SESN2: variants seen among roughly 807,000 people sequenced by gnomAD.
SESN2 encodes the protein sestrin 2.
Under a neutral mutation model 56.0 loss-of-function variants are expected in SESN2, and 42 were observed. The observed-to-expected ratio is 0.75, with a 90% CI of 0.59 to 0.97. SESN2 has a LOEUF of 0.97. Ranked by LOEUF, SESN2 falls within the 50% of genes least tolerant of loss-of-function variation. The pLI, the probability that SESN2 is intolerant of heterozygous loss-of-function variation, is 0.00. For synonymous variants in SESN2, 264 were observed against 267.1 expected, an observed-to-expected ratio of 0.99 and a Z score of 0.11; for missense variants, 507 against 649.4, an observed-to-expected ratio of 0.78 and a Z score of 2.38.
chr1:28,274,185 C>T (rs1245948206), intron 7 of SESN2, 27 bp downstream of exon 7: 1 of 1,390,560 alleles, frequency 7.2e-7, no homozygotes, highest in Admixed American at 1.7e-5. Flanking sequence ...TAGTCTTGGC[C>T]ATTGCTCCAC....
In SESN2 at chr1:28,281,035, C is replaced by A; in HGVS notation, c.*233C>A. ...GGGAGCTGGAAGAGCACTTGGAGAT[C>A]CTAAGGGACCACACCCTTCCTCCTT... On this transcript the variant is annotated 3_prime_UTR_variant, in exon 10 of 10. Transcript: ENST00000253063. 1 of 496,366 alleles carries A rather than the reference C, an allele frequency of 2.0e-6. No homozygotes were observed. The highest frequency in any genetic ancestry group is 3.3e-5 in the East Asian group (1 of 30,078). 30.7% of individuals were successfully genotyped at this position (496,366 alleles called of 1,614,324 possible).
rs1648234063 is a variant in SESN2, at chr1:28,281,366, AGTT to A, written c.*565_*567del. ...AGCCTGAGGCTGTTGCCCGAATCCT[AGTT>A]CAGTTTTTTGACTTCCTTTGCCCTT... On this transcript the variant is annotated 3_prime_UTR_variant, in exon 10 of 10. Transcript: ENST00000253063. 6.6e-6 allele frequency: 1 copy of A among 152,020 alleles called. No individual in the cohort carries two copies. Among genetic ancestry groups the A allele is most frequent in the African/African-American group, 2.4e-5 (1 of 41,346 alleles). 9.4% of individuals were successfully genotyped at this position (152,020 alleles called of 1,614,324 possible). A position where few individuals can be genotyped will look rare whatever the true frequency, so the allele number is the denominator to read the frequency against.
At chr1:28,271,527 A>G in intron 2 of SESN2, 147 bp from the exon 3 acceptor site, 1 of 625,372 alleles carries the variant, frequency 1.6e-6, no homozygotes, top group Admixed American at 2.9e-5. Context: ...CACTTATTAA[A>G]ATATGTGATC....
chr1:28,272,331 C>T lies in SESN2; in HGVS notation c.402C>T (p.Ala134=), dbSNP rs745494910. The change falls in exon 4 of 10, where the codon GCC becomes GCT. Residue 134 remains alanine (A), a synonymous_variant. Transcript: ENST00000253063. ...QCSYLVGSHM[A]EFLQTGGDPE... Reference sequence around the variant, plus strand: ...CTTACCTGGTAGGCTCCCACATGGCCGAGTTTCTGCAGACTGGTGGTGACC... The same window carrying T: ...CTTACCTGGTAGGCTCCCACATGGCTGAGTTTCTGCAGACTGGTGGTGACC... 1.5e-5 allele frequency: 25 copies of T among 1,613,974 alleles called. No individual in the cohort carries two copies. Among genetic ancestry groups the T allele is most frequent in the Admixed American group, 3.3e-5 (2 of 60,004 alleles).
chr1:28,263,371 C>T (rs996334818), intron 1 of SESN2, among the ~76,000 whole-genome samples: 1 of 152,100 alleles, frequency 6.6e-6, no homozygotes, highest in Non-Finnish European at 1.5e-5. Context: ...TGTATGGCAC[C>T]ACTCACTCAC....
chr1:28,267,458 G>T (rs927433999), intron 1 of SESN2, among the ~76,000 whole-genome samples: 9 of 152,144 alleles, frequency 5.9e-5, no homozygotes, highest in Non-Finnish European at 1.0e-4. Flanking sequence ...TGCCTCCTCA[G>T]TGGGCTTTTG....
rs181136931 is a variant in SESN2 at position 28,270,012 on chromosome 1, T to G, written c.156+764T>G. Among the ~76,000 whole-genome samples, 4 of 152,344 alleles carry G rather than the reference T, an allele frequency of 2.6e-5. No individual in the cohort carries two copies. In the East Asian group the frequency reaches 7.7e-4, roughly 29 times the overall value. On this transcript the variant is annotated intron_variant, in intron 2 of 9. Coordinates refer to ENST00000253063, the MANE Select transcript of SESN2 (RefSeq NM_031459.5). ...TACCTTCAAAACATGCAGAAAAATGTAAAACTAGTTTCCTCATTTTATTTG... is the reference window on the plus strand; with the variant it reads ...TACCTTCAAAACATGCAGAAAAATGGAAAACTAGTTTCCTCATTTTATTTG...
chr1:28,269,192 G>A lies in SESN2; in HGVS notation c.100G>A (p.Glu34Lys), dbSNP rs764786409. 3 of 1,612,670 alleles carry A rather than the reference G, an allele frequency of 1.9e-6. No individual in the cohort carries two copies. The highest frequency in any genetic ancestry group is 2.5e-6 in the Non-Finnish European group (3 of 1,179,244). ...ATATGTTTCCTCCCAGGAGCAGAGG[G>A]AGAGCCGGGCTCGGCGAGGCCCTCG... is the stretch of plus-strand genomic sequence containing the variant. Reference protein sequence around the residue: ...GDSGPGEEQRESRARRGPRGP... With the variant: ...GDSGPGEEQRKSRARRGPRGP... Residue 34 changes from glutamate to lysine, a missense_variant, in exon 2 of 10, where the codon GAG becomes AAG. Transcript: ENST00000253063.
chr1:28,275,767 A>G (rs1211075255), intron 8 of SESN2, among the ~76,000 whole-genome samples: 1 of 140,678 alleles, frequency 7.1e-6, no homozygotes, highest in Non-Finnish European at 1.5e-5. Flanking sequence ...AAAAATTACA[A>G]TAGAGGCCAG....
rs34315986 is a variant in SESN2, at chr1:28,259,865, C to G, written c.18C>G (p.Ser6=). The stretch of plus-strand genomic sequence containing the variant: ...CGCGCACCATGATCGTGGCGGACTC[C>G]GAGTGCCGCGCAGAGCTCAAGGACT... MIVAD[S]ECRAELKDYL... The change falls in exon 1 of 10, where the codon TCC becomes TCG. Residue 6 remains serine (S), a synonymous_variant. Coordinates refer to ENST00000253063, the MANE Select transcript of SESN2 (RefSeq NM_031459.5). 58,654 of 1,405,790 alleles carry G rather than the reference C, an allele frequency of 0.042. 1,370 individuals carry two copies. Among genetic ancestry groups the G allele is most frequent in the East Asian group, 0.07 (2,295 of 32,846 alleles). 87.1% of individuals were successfully genotyped at this position (1,405,790 alleles called of 1,614,324 possible). A position where few individuals can be genotyped will look rare whatever the true frequency, so the allele number is the denominator to read the frequency against.
At chr1:28,279,923 G>A (rs572279899) in intron 9 of SESN2, among the ~76,000 whole-genome samples, 75 of 151,980 alleles carry the variant, frequency 4.9e-4, no homozygotes, top group Non-Finnish European at 8.8e-4. Context: ...GTGTGATTTC[G>A]GCTCGCTGCA....
chr1:28,275,312 C>CT (rs1282730882), intron 8 of SESN2, among the ~76,000 whole-genome samples: 1 of 147,892 alleles, frequency 6.8e-6, no homozygotes, highest in Admixed American at 6.8e-5. Context: ...CACACACACA[C>CT]ACACACTATA....
At chr1:28,266,486 C>T (rs571023904) in intron 1 of SESN2, among the ~76,000 whole-genome samples, 1 of 151,298 alleles carries the variant, frequency 6.6e-6, no homozygotes, top group Admixed American at 6.6e-5. Flanking sequence ...AACTGAGGCT[C>T]ATAAAGCTAA....
At chr1:28,265,237 T>A (rs1280164338) in intron 1 of SESN2, among the ~76,000 whole-genome samples, 1 of 152,228 alleles carries the variant, frequency 6.6e-6, no homozygotes, top group East Asian at 1.9e-4. Flanking sequence ...GGGTCATTTC[T>A]TGGCAGTGGT....
chr1:28,280,682 A>T (rs1648207398), intron 9 of SESN2, 34 bp from the exon 10 acceptor site: 1 of 1,553,540 alleles, frequency 6.4e-7, no homozygotes, highest in East Asian at 2.2e-5. Flanking sequence ...GAGGAGTGAC[A>T]TCAGTTGCCA....
intron 2 of SESN2, among the ~76,000 whole-genome samples, chr1:28,269,577 A>T (rs543762700): frequency 2.0e-5 from 3 of 152,026 alleles, no homozygotes; most frequent in Non-Finnish European, 4.4e-5. Context: ...ATGACCATAC[A>T]TATATTACAC....
rs1647295866 is a variant in SESN2 at position 28,259,544 on chromosome 1, G to A, written c.-304G>A. 3.2e-6 allele frequency: 1 copy of A among 316,954 alleles called. No homozygotes were observed. The highest frequency in any genetic ancestry group is 5.7e-6 in the Non-Finnish European group (1 of 174,056). 19.6% of individuals were successfully genotyped at this position (316,954 alleles called of 1,614,324 possible). Reference sequence around the variant, plus strand: ...CTGGCAGTTCCGCGGCGGGGATGCTGAGGAGCGCTGGGTCCGGGAGCAGCC... The same window carrying A: ...CTGGCAGTTCCGCGGCGGGGATGCTAAGGAGCGCTGGGTCCGGGAGCAGCC... On this transcript the variant is annotated 5_prime_UTR_variant, in exon 1 of 10. Transcript: ENST00000253063.
chr1:28,278,983 T>C, intron 8 of SESN2, 114 bp from the exon 9 acceptor site: 2 of 1,026,466 alleles, frequency 1.9e-6, no homozygotes, highest in East Asian at 4.8e-5. Context: ...TTGTTGCTTC[T>C]ACCTTCTGAT....
At chr1:28,269,044 C>A in intron 1 of SESN2, 139 bp from the exon 2 acceptor site, 1 of 561,374 alleles carries the variant, frequency 1.8e-6, no homozygotes, top group Non-Finnish European at 3.2e-6. Flanking sequence ...TCCCATCTGG[C>A]TCCACCATCC....
Sources: gnomAD v4.1 joint callset for allele counts (sites outside exome capture counted in the v4.1 genomes callset) on GRCh38, gnomAD v4.1.1 for gene constraint, MANE v1.5 for transcripts, NCBI Gene and HGNC (gene_info 2026-07-23, HGNC 2026-07-21) for gene names.